The following NPEPPS variants were observed in gnomAD, a reference collection of about 807,000 sequenced individuals.
NPEPPS encodes the protein aminopeptidase puromycin sensitive, also known as puromycin-sensitive aminopeptidase.
NPEPPS carries 14 observed loss-of-function variants against 115.5 expected under a neutral mutation model. The observed-to-expected ratio is 0.12, with a 90% CI of 0.08 to 0.19. The LOEUF is 0.19. NPEPPS is among the 10% of genes least tolerant of loss of function. NPEPPS has a pLI of 1.00. For missense variants in NPEPPS, 523 were observed against 1,110.8 expected, an observed-to-expected ratio of 0.47 and a Z score of 7.52; for synonymous variants, 285 against 390.6, an observed-to-expected ratio of 0.73 and a Z score of 3.19.
In NPEPPS at chr17:47,575,678, C is replaced by G. The variant is rs190252371; in HGVS notation, c.419-3712C>G. Among the ~76,000 whole-genome samples the G allele has an allele frequency of 7.1e-3, 1,073 of 151,354 alleles. 11 individuals carry two copies. The highest frequency in any genetic ancestry group is 0.025 in the African/African-American group (1,015 of 41,238). ...GGAGTGCAGTGGCGCGATCTCAGCTCACTGCAAGCTCTGCCTCCTGGGTTC... is the reference window on the plus strand; with the variant it reads ...GGAGTGCAGTGGCGCGATCTCAGCTGACTGCAAGCTCTGCCTCCTGGGTTC... On this transcript the variant is annotated intron_variant, in intron 3 of 22. Coordinates refer to ENST00000322157, the MANE Select transcript of NPEPPS (RefSeq NM_006310.4).
intron 21 of NPEPPS, 112 bp from the exon 22 acceptor site, chr17:47,619,625 C>T: frequency 1.1e-6 from 1 of 877,994 alleles, no homozygotes; most frequent in Non-Finnish European, 1.9e-6. Context: ...ATCACACATC[C>T]TTTATAACAG....
intron 16 of NPEPPS, among the ~76,000 whole-genome samples, chr17:47,604,729 G>A (rs1185250680): frequency 1.3e-5 from 2 of 152,186 alleles, no homozygotes; most frequent in African/African-American, 4.8e-5. Context: ...TGATCTAATT[G>A]CTGAGAGAGA....
At chr17:47,600,944 T>G (rs955869501) in intron 14 of NPEPPS, among the ~76,000 whole-genome samples, 18 of 152,130 alleles carry the variant, frequency 1.2e-4, no homozygotes, top group African/African-American at 4.3e-4. Flanking sequence ...ATATGAAGGC[T>G]GGGCGCAGTG....
chr17:47,534,374 C>G (rs894300908), intron 1 of NPEPPS, among the ~76,000 whole-genome samples: 2 of 152,066 alleles, frequency 1.3e-5, no homozygotes, highest in African/African-American at 2.4e-5. Context: ...CCACTGTGCC[C>G]GGCGACAAAA....
chr17:47,605,938 C>T (rs959930617), intron 17 of NPEPPS, among the ~76,000 whole-genome samples: 9 of 152,028 alleles, frequency 5.9e-5, no homozygotes, highest in African/African-American at 2.2e-4. Flanking sequence ...AGTGCAATGG[C>T]GCGATCTCGG....
chr17:47,583,342 T>G (rs1248864224), intron 5 of NPEPPS, among the ~76,000 whole-genome samples: 1 of 152,232 alleles, frequency 6.6e-6, no homozygotes, highest in East Asian at 1.9e-4. Context: ...CCCAGCACTT[T>G]GGGAAGTCAA....
intron 2 of NPEPPS, among the ~76,000 whole-genome samples, chr17:47,558,090 C>A (rs955384916): frequency 6.6e-6 from 1 of 151,948 alleles, no homozygotes; most frequent in African/African-American, 2.4e-5. Context: ...CCACACGTGG[C>A]TCATTTTTGT....
intron 17 of NPEPPS, among the ~76,000 whole-genome samples, chr17:47,606,721 C>T (rs933488014): frequency 1.4e-4 from 1 of 7,266 alleles, no homozygotes; most frequent in Non-Finnish European, 3.9e-4. Flanking sequence ...GTATTACAGG[C>T]ATGAGCCACT....
At chr17:47,600,049 A>G (rs1374311243) in intron 14 of NPEPPS, among the ~76,000 whole-genome samples, 1 of 151,890 alleles carries the variant, frequency 6.6e-6, no homozygotes, top group Non-Finnish European at 1.5e-5. Context: ...TGAACTCCTG[A>G]CCTCGAGATC....
chr17:47,596,296 T>C, intron 12 of NPEPPS, 57 bp from the exon 13 acceptor site: 1 of 1,166,252 alleles, frequency 8.6e-7, no homozygotes, highest in Admixed American at 2.7e-5. Flanking sequence ...AAAATTTCTT[T>C]TTTGTTTAGG....
chr17:47,568,897 C>T (rs1229304133), intron 2 of NPEPPS, among the ~76,000 whole-genome samples: 6 of 150,912 alleles, frequency 4.0e-5, no homozygotes, highest in South Asian at 2.1e-4. Context: ...CCAGGTGACC[C>T]GCCTGCCTCG....
intron 2 of NPEPPS, among the ~76,000 whole-genome samples, chr17:47,558,461 G>A (rs1015362422): frequency 3.3e-5 from 5 of 151,284 alleles, no homozygotes; most frequent in African/African-American, 4.9e-5. Context: ...ACGGAGTCTC[G>A]CTCTGTCACC....
chr17:47,611,043 AG>A (rs1262850745), intron 17 of NPEPPS, among the ~76,000 whole-genome samples: 2 of 145,318 alleles, frequency 1.4e-5, no homozygotes, highest in Admixed American at 6.8e-5. Context: ...TAGTAGAGAC[AG>A]GGTTTCACCA....
intron 17 of NPEPPS, among the ~76,000 whole-genome samples, chr17:47,605,947 G>A (rs1295469465): frequency 2.0e-5 from 3 of 151,970 alleles, no homozygotes; most frequent in African/African-American, 7.3e-5. Flanking sequence ...GCGCGATCTC[G>A]GCTCACCGCA....
chr17:47,544,502 GTATT>G (rs61518431), intron 1 of NPEPPS, among the ~76,000 whole-genome samples: 34,443 of 141,374 alleles, frequency 0.24, 4,616 homozygotes, highest in African/African-American at 0.34. Flanking sequence ...GAAATTAAAC[GTATT>G]TATTTATTTA....
chr17:47,539,147 T>TA (rs1908567860), intron 1 of NPEPPS, among the ~76,000 whole-genome samples: 1 of 144,530 alleles, frequency 6.9e-6, no homozygotes, highest in Non-Finnish European at 1.5e-5. Flanking sequence ...TGGTTCTAGA[T>TA]ACAACTGATA....
At chr17:47,608,602 T>C (rs990481840) in intron 17 of NPEPPS, among the ~76,000 whole-genome samples, 4 of 152,070 alleles carry the variant, frequency 2.6e-5, no homozygotes, top group African/African-American at 9.7e-5. Context: ...GTGAGACTCA[T>C]GTCTTTAAAA....
At chr17:47,558,437 CT>C (rs955475190) in intron 2 of NPEPPS, among the ~76,000 whole-genome samples, 10 of 141,798 alleles carry the variant, frequency 7.1e-5, no homozygotes, top group East Asian at 4.3e-4. Context: ...CCATCCCCCA[CT>C]TTTTTTTTTG....
intron 1 of NPEPPS, among the ~76,000 whole-genome samples, chr17:47,542,074 C>T (rs1415160377): frequency 2.6e-5 from 4 of 152,092 alleles, no homozygotes; most frequent in African/African-American, 4.8e-5. Flanking sequence ...ATGCAGATAT[C>T]GTACTACTCT....
Sources: allele counts gnomAD v4.1 joint callset (sites outside exome capture counted in the v4.1 genomes callset), GRCh38; gene constraint gnomAD v4.1.1; transcripts MANE v1.5; gene names NCBI Gene and HGNC (gene_info 2026-07-23, HGNC 2026-07-21).